The following PDS5B variants were observed in gnomAD, a reference collection of about 807,000 sequenced individuals.
PDS5B encodes the protein PDS5 cohesin associated factor B.
A neutral mutation model predicts 184.1 loss-of-function variants in PDS5B; 51 were observed. The observed-to-expected ratio is 0.28, with a 90% CI of 0.22 to 0.35. The LOEUF is 0.35. PDS5B is among the 10% of genes least tolerant of loss of function. PDS5B has a pLI of 1.00. For missense variants in PDS5B, 1,180 were observed against 1,723.3 expected, an observed-to-expected ratio of 0.68 and a Z score of 5.58; for synonymous variants, 566 against 569.2, an observed-to-expected ratio of 0.99 and a Z score of 0.08.
At chr13:32,659,356 A>T (rs1219318741) in intron 6 of PDS5B, 76 bp downstream of exon 6, 3 of 1,093,324 alleles carry the variant, frequency 2.7e-6, no homozygotes, top group Middle Eastern at 2.2e-4. Flanking sequence ...TAGGTTCTAA[A>T]TATGGTTTAT....
chr13:32,642,623 T>C (rs1950127788), intron 1 of PDS5B, among the ~76,000 whole-genome samples: 1 of 152,162 alleles, frequency 6.6e-6, no homozygotes. Flanking sequence ...TTCATAAGAC[T>C]GAAGTGCAAA....
intron 1 of PDS5B, among the ~76,000 whole-genome samples, chr13:32,586,820 T>G (rs1392140331): frequency 1.4e-4 from 18 of 126,540 alleles, no homozygotes; most frequent in South Asian, 5.7e-4. Flanking sequence ...GGCTGCGCGG[T>G]GGGGGTGGGG....
Position 32,623,985 on chromosome 13 carries a change from TATTTTTAGTAGAG to T in PDS5B, c.-19-24766_-19-24754del, listed in dbSNP as rs199691325. On this transcript the variant is annotated intron_variant, in intron 1 of 34. Coordinates refer to ENST00000315596, the MANE Select transcript of PDS5B (RefSeq NM_015032.4). ...TGCCACCACGCCCAGCTAATTTTTG[TATTTTTAGTAGAG>T]ATGGGGTTTCACCATGTTGGCCAAG... Among the ~76,000 whole-genome samples the T allele has an allele frequency of 5.7e-3, 864 of 152,228 alleles. 7 individuals carry two copies. Among genetic ancestry groups the T allele is most frequent in the Admixed American group, 0.014 (213 of 15,282 alleles).
intron 1 of PDS5B, among the ~76,000 whole-genome samples, chr13:32,626,620 T>C (rs551093374): frequency 6.6e-6 from 1 of 152,112 alleles, no homozygotes; most frequent in Non-Finnish European, 1.5e-5. Context: ...GTTTTTTTTT[T>C]ATTTTCTTTG....
chr13:32,624,152 T>G (rs1279741069), intron 1 of PDS5B, among the ~76,000 whole-genome samples: 1 of 152,234 alleles, frequency 6.6e-6, no homozygotes, highest in African/African-American at 2.4e-5. Flanking sequence ...CCCTTCCAAC[T>G]TCCATGTTGA....
intron 17 of PDS5B, among the ~76,000 whole-genome samples, chr13:32,706,496 G>A (rs1253031637): frequency 3.3e-5 from 5 of 152,036 alleles, no homozygotes; most frequent in Admixed American, 3.3e-4. Flanking sequence ...TTTGACAGCT[G>A]TGCGTGACAC....
At chr13:32,655,375 T>TATATATATA (rs1555296358) in intron 3 of PDS5B, among the ~76,000 whole-genome samples, 1,889 of 50,790 alleles carry the variant, frequency 0.037, 102 homozygotes, top group African/African-American at 0.13. Context: ...TATATATATA[T>TATATATATA]TTTTTTTTTT....
chr13:32,622,140 CATTCTCATTTT>C (rs570697182), intron 1 of PDS5B, among the ~76,000 whole-genome samples: 85 of 151,894 alleles, frequency 5.6e-4, no homozygotes, highest in Non-Finnish European at 9.6e-4. Flanking sequence ...TCTTTGATTT[CATTCTCATTTT>C]ATTCTTCATT....
At chr13:32,698,792 C>T (rs1251801263) in intron 15 of PDS5B, among the ~76,000 whole-genome samples, 9 of 150,616 alleles carry the variant, frequency 6.0e-5, no homozygotes, top group Non-Finnish European at 7.4e-5. Context: ...CTCACTCTGT[C>T]GCCTAGGCTG....
chr13:32,605,788 T>A (rs2058051056), intron 1 of PDS5B, among the ~76,000 whole-genome samples: 1 of 69,808 alleles, frequency 1.4e-5, no homozygotes, highest in Non-Finnish European at 3.8e-5. Context: ...AATAGTTAGC[T>A]CTTCTTGTTG....
chr13:32,759,805 A>AT (rs1954311450), intron 29 of PDS5B, 115 bp downstream of exon 29: 1 of 569,084 alleles, frequency 1.8e-6, no homozygotes. Context: ...GCTGGAAAAT[A>AT]TAAGAATTAA....
chr13:32,602,198 T>C (rs1346893665), intron 1 of PDS5B, among the ~76,000 whole-genome samples: 1 of 152,144 alleles, frequency 6.6e-6, no homozygotes, highest in South Asian at 2.1e-4. Context: ...ACCTGTTAAC[T>C]CGTCATTTAC....
intron 24 of PDS5B, among the ~76,000 whole-genome samples, chr13:32,747,470 C>T (rs1250699068): frequency 6.6e-6 from 1 of 151,828 alleles, no homozygotes; most frequent in African/African-American, 2.4e-5. Flanking sequence ...ACAGCTATTT[C>T]GGCCGGGCGT....
chr13:32,599,324 C>T (rs1014858230), intron 1 of PDS5B, among the ~76,000 whole-genome samples: 12 of 151,798 alleles, frequency 7.9e-5, no homozygotes, highest in Non-Finnish European at 1.6e-4. Context: ...AGTGCAGTGG[C>T]GTGATCTCAG....
chr13:32,628,656 A>T (rs756562717), intron 1 of PDS5B, among the ~76,000 whole-genome samples: 1 of 150,982 alleles, frequency 6.6e-6, no homozygotes, highest in Admixed American at 6.6e-5. Context: ...GGTGTATGTT[A>T]TATTTGGTGT....
Position 32,598,770 on chromosome 13 carries a change from C to CA in PDS5B, c.-20+12177_-20+12178insA, listed in dbSNP as rs1555286213. Among the ~76,000 whole-genome samples, 5 of 126,340 alleles carry CA rather than the reference C, an allele frequency of 4.0e-5. No individual in the cohort carries two copies. In the South Asian group the frequency reaches 1.2e-3, roughly 30 times the overall value. The allele number at this position is 126,340 out of a possible 152,430, so 82.9% of individuals were successfully genotyped here. A position where few individuals can be genotyped will look rare whatever the true frequency, so the allele number is the denominator to read the frequency against. On this transcript the variant is annotated intron_variant, in intron 1 of 34. Coordinates refer to ENST00000315596, the MANE Select transcript of PDS5B (RefSeq NM_015032.4). ...TCTCAGTTGATGGTTTTTTTTCTCT[C>CA]TTTTTTTTTTTTTTTTTTGAGACAG...
At chr13:32,623,076 G>C (rs2058324212) in intron 1 of PDS5B, among the ~76,000 whole-genome samples, 1 of 152,180 alleles carries the variant, frequency 6.6e-6, no homozygotes, top group South Asian at 2.1e-4. Context: ...TCACAGGGAT[G>C]TCAACTGTTT....
chr13:32,715,158 C>A (rs780904961), intron 19 of PDS5B, among the ~76,000 whole-genome samples: 3 of 152,174 alleles, frequency 2.0e-5, no homozygotes, highest in African/African-American at 4.8e-5. Flanking sequence ...TGGCTGACTT[C>A]TTTTCAAACC....
chr13:32,700,288 A>G (rs1951830953), intron 16 of PDS5B, among the ~76,000 whole-genome samples: 1 of 152,114 alleles, frequency 6.6e-6, no homozygotes, highest in Admixed American at 6.5e-5. Flanking sequence ...GTACAATTGC[A>G]TGGGCTAACA....
Sources: allele counts gnomAD v4.1 joint callset (sites outside exome capture counted in the v4.1 genomes callset), GRCh38; gene constraint gnomAD v4.1.1; transcripts MANE v1.5; gene names NCBI Gene and HGNC (gene_info 2026-07-23, HGNC 2026-07-21).